Variants in SMARCD3 observed in about 807,000 individuals in gnomAD.
SMARCD3 encodes SWI/SNF related BAF chromatin remodeling complex subunit D3, also known as SWI/SNF-related matrix-associated actin-dependent regulator of chromatin subfamily D member 3.
In SMARCD3, 14 loss-of-function variants were observed where a neutral mutation model predicts 58.0. That is an observed-to-expected ratio of 0.24 (90% CI 0.16 to 0.38). The LOEUF is 0.38. Ranked by LOEUF, SMARCD3 falls within the 10% of genes least tolerant of loss-of-function variation. SMARCD3 has a pLI of 1.00. For synonymous variants in SMARCD3, 253 were observed against 253.8 expected (o/e 1.00, Z 0.03); for missense variants, 408 against 636.9 (o/e 0.64, Z 3.87).
upstream of SMARCD3, among the ~76,000 whole-genome samples, chr7:151,249,978 G>C (rs919054228): frequency 1.6e-4 from 24 of 151,992 alleles, 1 homozygote; most frequent in Non-Finnish European, 3.4e-4. This position sits in a 1 kb window ranked among gnomAD's most constrained non-coding sequence, Gnocchi z 4.8. Context: ...GGTCAAGTTT[G>C]GGGGTCTGCT....
At chr7:151,257,038 C>T (rs569305488) in intron 2 of SMARCD3, among the ~76,000 whole-genome samples, 4 of 152,260 alleles carry the variant, frequency 2.6e-5, no homozygotes, top group Non-Finnish European at 2.9e-5. Flanking sequence ...TTGGAATAAG[C>T]GCTCTTCTTT....
intron 2 of SMARCD3, among the ~76,000 whole-genome samples, chr7:151,254,102 C>G (rs1176160085): frequency 2.0e-5 from 3 of 152,208 alleles, no homozygotes; most frequent in African/African-American, 7.2e-5. Flanking sequence ...CTCTCCTCCT[C>G]CCAGGTGTGT....
intron 2 of SMARCD3, among the ~76,000 whole-genome samples, chr7:151,269,534 G>A (rs1268998505): frequency 2.0e-5 from 3 of 152,170 alleles, no homozygotes; most frequent in Non-Finnish European, 2.9e-5. Context: ...GCTGTGGGCT[G>A]GAAAGATGGG....
At chr7:151,259,615 T>TTGTTGTTTG (rs1554490163) in intron 2 of SMARCD3, among the ~76,000 whole-genome samples, 3,334 of 134,280 alleles carry the variant, frequency 0.025, 105 homozygotes, top group Non-Finnish European at 0.039. Flanking sequence ...TTTTTTTTTT[T>TTGTTGTTTG]TTTTTTTTTT....
chr7:151,241,638 G>A lies in SMARCD3; in HGVS notation c.793C>T (p.Leu265=). 1 of 1,611,152 alleles carries A rather than the reference G, an allele frequency of 6.2e-7. No homozygotes were observed. Among genetic ancestry groups the A allele is most frequent in the Non-Finnish European group, 8.5e-7 (1 of 1,178,598 alleles). The change falls in exon 8 of 13, where the codon CTG becomes TTG. Residue 265 remains leucine, a synonymous_variant. Coordinates refer to ENST00000262188, the MANE Select transcript of SMARCD3 (RefSeq NM_001003801.2). This position sits in a 1 kb window ranked among gnomAD's most constrained non-coding sequence, Gnocchi z 5.3. ...AGCAGCCGGGCTAGGCGGGGATCCAGTTTGAACTGGGGAGGCTGGGAAAAG... is the reference window on the plus strand; with the variant it reads ...AGCAGCCGGGCTAGGCGGGGATCCAATTTGAACTGGGGAGGCTGGGAAAAG... ...MLDYQPPQFK[L]DPRLARLLGL...
chr7:151,239,641 G>A lies in SMARCD3; in HGVS notation c.1279C>T (p.Gln427Ter), dbSNP rs143802296. The change falls in exon 11 of 13, where the codon CAG becomes TAG. Residue 427 changes from glutamine (Q) to a stop codon, truncating the protein, a stop_gained. Transcript: ENST00000262188. LOFTEE classifies it high-confidence loss of function. This position sits in a 1 kb window ranked among gnomAD's most constrained non-coding sequence, Gnocchi z 7.0. ...KGYVQDLLRS[Q>*]SRDLKVMTDV... ...CTCTTCACCTTGAGGTCCCGGCTCTGGGAGCGGAGCAGGTCTTGGACATAG... is the reference window on the plus strand; with the variant it reads ...CTCTTCACCTTGAGGTCCCGGCTCTAGGAGCGGAGCAGGTCTTGGACATAG... 1 of 1,614,102 alleles carries A rather than the reference G, an allele frequency of 6.2e-7. No individual in the cohort carries two copies.
intron 1 of SMARCD3, among the ~76,000 whole-genome samples, chr7:151,247,726 C>T (rs1318327464): frequency 2.6e-5 from 4 of 151,986 alleles, no homozygotes; most frequent in Non-Finnish European, 5.9e-5. Context: ...GCCCTACTGA[C>T]TCAGCTCCAG....
chr7:151,243,421 A>G lies in SMARCD3; in HGVS notation c.333+238T>C, dbSNP rs1239109522. ...TGCCCCCTCCTGGTCCCACAGCTCT[A>G]TAGTACCACTTGGATCAAACCCCCT... On this transcript the variant is annotated intron_variant, in intron 3 of 12. Coordinates refer to ENST00000262188, the MANE Select transcript of SMARCD3 (RefSeq NM_001003801.2). The surrounding 1 kb of genome is among the most constrained non-coding windows in gnomAD (Gnocchi z 4.4). Among the ~76,000 whole-genome samples the G allele has an allele frequency of 6.6e-6, 1 of 151,984 alleles. No homozygotes were observed. Among genetic ancestry groups the G allele is most frequent in the East Asian group, 1.9e-4 (1 of 5,184 alleles).
At chr7:151,249,602 G>C (rs939163735), upstream of SMARCD3, 1 of 152,034 alleles carries the variant, frequency 6.6e-6, no homozygotes, top group Non-Finnish European at 1.5e-5. The surrounding 1 kb of genome is among the most constrained non-coding windows in gnomAD (Gnocchi z 4.8). Context: ...GGGGGTGCTC[G>C]GGTGGGTGCG....
At position 151,245,054 on chromosome 7, in the gene SMARCD3, G is replaced by A. The variant is rs10249402; in HGVS notation, c.290+406C>T. On this transcript the variant is annotated intron_variant, in intron 2 of 12. Coordinates refer to ENST00000262188, the MANE Select transcript of SMARCD3 (RefSeq NM_001003801.2). This position sits in a 1 kb window ranked among gnomAD's most constrained non-coding sequence, Gnocchi z 6.2. ...TGGCTTTGAAACAGCCCGGGGGCCG[G>A]CAGGAAGGCTCAGCGGAGAACCACA... is the stretch of plus-strand genomic sequence containing the variant. Among the ~76,000 whole-genome samples the A allele has an allele frequency of 4.2e-3, 632 of 152,284 alleles. 1 individual carries two copies. The highest frequency in any genetic ancestry group is 0.014 in the African/African-American group (580 of 41,546).
Position 151,245,947 on chromosome 7 carries a change from G to A in SMARCD3, c.79-276C>T. ...GAGCCTCGGGGCTGCGGAAGGTACCGCAAAAATGAATATTAATGGCGCCTT... is the reference window on the plus strand; with the variant it reads ...GAGCCTCGGGGCTGCGGAAGGTACCACAAAAATGAATATTAATGGCGCCTT... On this transcript the variant is annotated intron_variant, in intron 1 of 12. Coordinates refer to ENST00000262188, the MANE Select transcript of SMARCD3 (RefSeq NM_001003801.2). This position sits in a 1 kb window ranked among gnomAD's most constrained non-coding sequence, Gnocchi z 6.2. 3.0e-6 allele frequency: 1 copy of A among 331,838 alleles called. No individual in the cohort carries two copies. The highest frequency in any genetic ancestry group is 5.4e-6 in the Non-Finnish European group (1 of 183,682). The allele number at this position is 331,838 out of a possible 1,614,324, so 20.6% of individuals were successfully genotyped here.
Position 151,241,092 on chromosome 7 carries a change from G to A in SMARCD3, c.939+400C>T. ...TTGATTTTCCTAACTGCCCAGGAGAGTAGATAGGACAGGTATTGTCACTCC... is the reference window on the plus strand; with the variant it reads ...TTGATTTTCCTAACTGCCCAGGAGAATAGATAGGACAGGTATTGTCACTCC... On this transcript the variant is annotated intron_variant, in intron 8 of 12. Transcript: ENST00000262188. This position sits in a 1 kb window ranked among gnomAD's most constrained non-coding sequence, Gnocchi z 5.3. 3.6e-6 allele frequency: 1 copy of A among 274,418 alleles called. No homozygotes were observed. The highest frequency in any genetic ancestry group is 4.1e-5 in the South Asian group (1 of 24,160). 17.0% of individuals were successfully genotyped at this position (274,418 alleles called of 1,614,324 possible). A position where few individuals can be genotyped will look rare whatever the true frequency, so the allele number is the denominator to read the frequency against.
At position 151,239,311 on chromosome 7, in the gene SMARCD3, C is replaced by G; in HGVS notation, c.1398+85G>C. Reference sequence around the variant, plus strand: ...CGTGGTGAAGCTTTACTGTGGGGAGCTGCGAGGGCTGCCCACAAGCTGAAC... The same window carrying G: ...CGTGGTGAAGCTTTACTGTGGGGAGGTGCGAGGGCTGCCCACAAGCTGAAC... On this transcript the variant is annotated intron_variant, in intron 12 of 12. Transcript: ENST00000262188. This position sits in a 1 kb window ranked among gnomAD's most constrained non-coding sequence, Gnocchi z 7.0. 1 of 1,335,072 alleles carries G rather than the reference C, an allele frequency of 7.5e-7. No homozygotes were observed. The allele number at this position is 1,335,072 out of a possible 1,614,324, so 82.7% of individuals were successfully genotyped here.
chr7:151,269,886 T>C (rs1179068051), intron 2 of SMARCD3, among the ~76,000 whole-genome samples: 1 of 152,124 alleles, frequency 6.6e-6, no homozygotes, highest in Non-Finnish European at 1.5e-5. Flanking sequence ...GAAAACTGAG[T>C]ACCCCTTCCC....
intron 2 of SMARCD3, among the ~76,000 whole-genome samples, chr7:151,268,772 T>TC (rs1275951523): frequency 1.4e-5 from 2 of 144,376 alleles, no homozygotes; most frequent in East Asian, 2.0e-4. Flanking sequence ...ATTCTCTCTC[T>TC]TTTTTTTTTA....
intron 2 of SMARCD3, among the ~76,000 whole-genome samples, chr7:151,263,830 C>T (rs1380237843): frequency 6.6e-6 from 1 of 152,206 alleles, no homozygotes; most frequent in Non-Finnish European, 1.5e-5. Flanking sequence ...GACCATAGTA[C>T]ATCCTTGCTT....
At chr7:151,260,648 C>G (rs1277909531) in intron 2 of SMARCD3, among the ~76,000 whole-genome samples, 5 of 152,188 alleles carry the variant, frequency 3.3e-5, no homozygotes, top group African/African-American at 1.2e-4. Flanking sequence ...CCTCAGTCGG[C>G]TATCCTTTGG....
At chr7:151,272,819 T>C (rs1795222053) in intron 2 of SMARCD3, among the ~76,000 whole-genome samples, 1 of 152,160 alleles carries the variant, frequency 6.6e-6, no homozygotes, top group Admixed American at 6.5e-5. Context: ...CTCAGCCAAG[T>C]ACCCGTCAGA....
At chr7:151,256,476 T>C (rs4236430) in intron 2 of SMARCD3, among the ~76,000 whole-genome samples, 89,515 of 151,974 alleles carry the variant, frequency 0.59, 26,650 homozygotes, top group East Asian at 0.85. Context: ...TGACCCCTTG[T>C]GTACACTCTT....
Sources: allele counts gnomAD v4.1 joint callset (sites outside exome capture counted in the v4.1 genomes callset), GRCh38; gene constraint gnomAD v4.1.1; non-coding constraint Gnocchi (gnomAD v3.1); transcripts MANE v1.5; gene names NCBI Gene and HGNC (gene_info 2026-07-23, HGNC 2026-07-21).